HSP90AA1: variants seen among roughly 807,000 people sequenced by gnomAD.
HSP90AA1 encodes the protein heat shock protein 90 alpha family class A member 1.
In HSP90AA1, 18 loss-of-function variants were observed where a neutral mutation model predicts 73.3. The ratio of observed to expected loss-of-function variants is 0.25; its 90% CI spans 0.17 to 0.36. HSP90AA1 has a LOEUF of 0.36. HSP90AA1 is among the 10% of genes least tolerant of loss of function. HSP90AA1 has a pLI of 1.00. For synonymous variants in HSP90AA1, 477 were observed against 296.9 expected, an observed-to-expected ratio of 1.61 and a Z score of -6.24; for missense variants, 704 against 874.2, an observed-to-expected ratio of 0.81 and a Z score of 2.45.
At chr14:102,133,175 G>C (rs898326794) in intron 1 of HSP90AA1, among the ~76,000 whole-genome samples, 16 of 151,472 alleles carry the variant, frequency 1.1e-4, no homozygotes, top group Non-Finnish European at 1.3e-4. Flanking sequence ...AGCTACCCAG[G>C]AGGCTGAGGC....
chr14:102,138,630 ACTC>A (rs2050103401), intron 1 of HSP90AA1, among the ~76,000 whole-genome samples: 1 of 151,758 alleles, frequency 6.6e-6, no homozygotes, highest in Non-Finnish European at 1.5e-5. Flanking sequence ...TATGATTTAC[ACTC>A]CTCCTACTTT....
chr14:102,102,075 C>T, exon 2 of HSP90AA1: 3 of 1,613,890 alleles, frequency 1.9e-6, no homozygotes, highest in Non-Finnish European at 1.7e-6. Flanking sequence ...TACCAGTTAA[C>T]AGGTGCCCTG....
At chr14:102,111,841 A>T (rs1437716359) in intron 1 of HSP90AA1, among the ~76,000 whole-genome samples, 16 of 152,226 alleles carry the variant, frequency 1.1e-4, no homozygotes, top group African/African-American at 3.6e-4. Context: ...TCAAGATAGC[A>T]TAAAAGAGCT....
intron 1 of HSP90AA1, among the ~76,000 whole-genome samples, chr14:102,121,214 T>C (rs1286850619): frequency 4.6e-5 from 7 of 152,126 alleles, no homozygotes; most frequent in Non-Finnish European, 2.9e-5. Context: ...ATTTTTCATT[T>C]AATATATTTT....
intron 1 of HSP90AA1, among the ~76,000 whole-genome samples, chr14:102,112,368 G>T (rs1360123263): frequency 6.6e-6 from 1 of 152,140 alleles, no homozygotes; most frequent in Non-Finnish European, 1.5e-5. Flanking sequence ...TAGAGATGGG[G>T]TTTCACCATG....
chr14:102,117,347 G>A (rs2049720364), intron 1 of HSP90AA1, among the ~76,000 whole-genome samples: 2 of 152,094 alleles, frequency 1.3e-5, no homozygotes, highest in African/African-American at 4.8e-5. Flanking sequence ...AATTTGTGGT[G>A]CCTTTTCCAG....
In HSP90AA1 at chr14:102,086,485, GAAGTTT is replaced by G. The variant is rs2049238655; in HGVS notation, c.1-113_1-108del. 1.3e-5 allele frequency: 17 copies of G among 1,315,644 alleles called. 1 individual carries two copies. The allele number at this position is 1,315,644 out of a possible 1,614,324, so 81.5% of individuals were successfully genotyped here. On this transcript the variant is annotated intron_variant, in intron 1 of 10. Coordinates refer to ENST00000216281, the MANE Select transcript of HSP90AA1 (RefSeq NM_005348.4). The stretch of plus-strand genomic sequence containing the variant: ...TTTTAAAGCCGAATTGGAGATTTGC[GAAGTTT>G]AAGTAAACCGAAAATAGAAGGGCGG...
chr14:102,102,025 C>A lies in HSP90AA1; in HGVS notation c.216G>T (p.Val72=), dbSNP rs752524748. 1.9e-5 allele frequency: 30 copies of A among 1,614,020 alleles called. 1 individual carries two copies. In the Admixed American group the frequency reaches 4.3e-4, roughly 23 times the overall value. Residue 72 remains valine, a synonymous_variant, in exon 2 of 12, where the codon GTG becomes GTT. Transcript: ENST00000334701. The stretch of plus-strand genomic sequence containing the variant: ...GACAGAGTAGAGTGGTGGATCCAGA[C>A]ACCATCAGATGCCAGAGAAACACTT...
At chr14:102,101,860 C>A (rs2152619409) in intron 2 of HSP90AA1, 2 of 1,600,210 alleles carry the variant, frequency 1.2e-6, no homozygotes, top group Non-Finnish European at 1.7e-6. Context: ...TAATTTTAAA[C>A]CTTAGTCCAC....
intron 1 of HSP90AA1, among the ~76,000 whole-genome samples, chr14:102,131,937 C>G (rs1246810509): frequency 6.6e-6 from 1 of 152,116 alleles, no homozygotes; most frequent in Non-Finnish European, 1.5e-5. Context: ...TGTAGTCACT[C>G]AAAAATGTGA....
intron 1 of HSP90AA1, among the ~76,000 whole-genome samples, chr14:102,105,267 T>C (rs918479058): frequency 6.7e-6 from 1 of 148,664 alleles, no homozygotes; most frequent in African/African-American, 2.5e-5. Context: ...TAGTTTACAA[T>C]GTCCAGGCGC....
chr14:102,090,568 G>T (rs2049342709), upstream of HSP90AA1, among the ~76,000 whole-genome samples: 1 of 151,876 alleles, frequency 6.6e-6, no homozygotes, highest in Admixed American at 6.6e-5. Flanking sequence ...TCCTACTTCA[G>T]CCTCCCTAGT....
chr14:102,102,175 G>T, intron 1 of HSP90AA1: 3 of 1,019,700 alleles, frequency 2.9e-6, no homozygotes, highest in Non-Finnish European at 3.1e-6. Flanking sequence ...CCCCAAGCAG[G>T]CATGCCCTGG....
At position 102,085,288 on chromosome 14, in the gene HSP90AA1, A is replaced by G. The variant is rs780309019; in HGVS notation, c.663+10T>C. On this transcript the variant is annotated intron_variant, in intron 4 of 10. Transcript: ENST00000216281. ...ACAGAAATTCACTCTGCAATTACATAAAAACTTACAAAAAGAGTAATGGGA... is the reference window on the plus strand; with the variant it reads ...ACAGAAATTCACTCTGCAATTACATGAAAACTTACAAAAAGAGTAATGGGA... 2.5e-6 allele frequency: 4 copies of G among 1,609,562 alleles called. No individual in the cohort carries two copies. The highest frequency in any genetic ancestry group is 3.4e-6 in the Non-Finnish European group (4 of 1,177,002).
intron 1 of HSP90AA1, 35 bp downstream of exon 1, chr14:102,086,951 G>C (rs1444156014): frequency 2.0e-6 from 2 of 976,054 alleles, no homozygotes; most frequent in African/African-American, 3.5e-5. Flanking sequence ...CCGGTCCCCA[G>C]TCCACCTCCA....
intron 1 of HSP90AA1, among the ~76,000 whole-genome samples, chr14:102,113,457 T>TG (rs1324316189): frequency 1.3e-5 from 2 of 152,000 alleles, no homozygotes. Flanking sequence ...CTTGGCTTGC[T>TG]GTAACCTCCG....
In HSP90AA1 at chr14:102,086,336, C is replaced by T. The variant is rs755600449; in HGVS notation, c.43G>A (p.Glu15Lys). 3.7e-6 allele frequency: 6 copies of T among 1,614,202 alleles called. No homozygotes were observed. Among genetic ancestry groups the T allele is most frequent in the South Asian group, 2.2e-5 (2 of 91,088 alleles). The change falls in exon 2 of 11, where the codon GAG (glutamate) becomes AAG (lysine). Residue 15 changes from glutamate (E) to lysine (K), a missense_variant. By Grantham distance (56) the Glu-to-Lys change is moderately conservative. Transcript: ENST00000216281. ...TGAAAGGCGAACGTCTCAACCTCCT[C>T]CTCCTCCATCGGTTGGTCTTGGGTC... is the stretch of plus-strand genomic sequence containing the variant. Reference protein sequence around the residue: ...TQTQDQPMEEEEVETFAFQAE... With the variant: ...TQTQDQPMEEKEVETFAFQAE...
chr14:102,131,056 G>T (rs1234288109), intron 1 of HSP90AA1, among the ~76,000 whole-genome samples: 1 of 152,160 alleles, frequency 6.6e-6, no homozygotes, highest in Non-Finnish European at 1.5e-5. Flanking sequence ...GCTGATAACT[G>T]CAGAATACAG....
intron 8 of HSP90AA1, 99 bp downstream of exon 8, chr14:102,083,447 A>C (rs1459919179): frequency 1.4e-6 from 2 of 1,420,404 alleles, no homozygotes; most frequent in Non-Finnish European, 2.0e-6. Flanking sequence ...GCCTAGATCA[A>C]TACCAGTTGT....
Sources: gnomAD v4.1 joint callset for allele counts (sites outside exome capture counted in the v4.1 genomes callset) on GRCh38, gnomAD v4.1.1 for gene constraint, MANE v1.5 for transcripts, NCBI Gene and HGNC (gene_info 2026-07-23, HGNC 2026-07-21) for gene names.